Variants in QRICH1 observed in about 807,000 individuals in gnomAD.
QRICH1 encodes transcriptional regulator QRICH1.
In QRICH1, 16 loss-of-function variants were observed where a neutral mutation model predicts 87.1. That is an observed-to-expected ratio of 0.18 (90% confidence interval 0.12 to 0.28). The LOEUF (loss-of-function observed/expected upper bound fraction) is 0.28. QRICH1 is among the 10% of genes least tolerant of loss of function. The pLI is 1.00. For missense variants in QRICH1, 647 were observed against 951.7 expected (o/e 0.68, Z 4.21); for synonymous variants, 367 against 368.4 (o/e 1.00, Z 0.05).
intron 3 of QRICH1, among the ~76,000 whole-genome samples, chr3:49,050,445 A>C (rs1284044380): frequency 6.7e-6 from 1 of 149,154 alleles, no homozygotes; most frequent in Non-Finnish European, 1.5e-5. Flanking sequence ...AAAAAAAAAA[A>C]AGAATGTGCT....
rs1347338584 is a variant in QRICH1 at position 49,076,692 on chromosome 3, C to T, written c.309+17G>A. Reference sequence around the variant, plus strand: ...AAAGTACATTAAACAGGCTGCACCTCAGCATTTCCCATATACCTGAACCTG... The same window carrying T: ...AAAGTACATTAAACAGGCTGCACCTTAGCATTTCCCATATACCTGAACCTG... On this transcript the variant is annotated intron_variant, in intron 2 of 9. Coordinates refer to ENST00000395443, the MANE Select transcript of QRICH1 (RefSeq NM_198880.3). 6.6e-7 allele frequency: 1 copy of T among 1,521,018 alleles called. No individual in the cohort carries two copies. The highest frequency in any genetic ancestry group is 2.0e-5 in the Admixed American group (1 of 49,328). 94.2% of individuals were successfully genotyped at this position (1,521,018 alleles called of 1,614,324 possible). A position where few individuals can be genotyped will look rare whatever the true frequency, so the allele number is the denominator to read the frequency against.
chr3:49,049,650 A>T (rs1196939145), intron 3 of QRICH1, among the ~76,000 whole-genome samples: 1 of 151,696 alleles, frequency 6.6e-6, no homozygotes. Flanking sequence ...GGTGTCTGCC[A>T]TCATGCCCGG....
At chr3:49,055,857 T>G (rs1274049398) in intron 3 of QRICH1, among the ~76,000 whole-genome samples, 1 of 152,122 alleles carries the variant, frequency 6.6e-6, no homozygotes, top group African/African-American at 2.4e-5. Context: ...TTTTGTATTT[T>G]TAGTAGAGAC....
chr3:49,051,624 T>C (rs2093371509), intron 3 of QRICH1, among the ~76,000 whole-genome samples: 1 of 116,254 alleles, frequency 8.6e-6, no homozygotes, highest in Non-Finnish European at 1.6e-5. Flanking sequence ...GTGGGTACTA[T>C]ACATCTCCAA....
intron 6 of QRICH1, among the ~76,000 whole-genome samples, chr3:49,035,926 A>G (rs1209653068): frequency 1.3e-5 from 2 of 151,808 alleles, no homozygotes; most frequent in Non-Finnish European, 2.9e-5. Flanking sequence ...AAAAAAAAAA[A>G]AACAAAAACT....
intron 2 of QRICH1, among the ~76,000 whole-genome samples, chr3:49,066,566 G>A (rs2093469570): frequency 6.6e-6 from 1 of 151,002 alleles, no homozygotes; most frequent in Admixed American, 6.6e-5. Flanking sequence ...CCGGGTTCAA[G>A]CAATTCTCCT....
chr3:49,032,423 G>C (rs1046971266), intron 8 of QRICH1, 150 bp from the exon 9 acceptor site: 32 of 844,312 alleles, frequency 3.8e-5, no homozygotes, highest in Non-Finnish European at 5.9e-5. Context: ...TGACTACTAA[G>C]GGAAGAGGCA....
chr3:49,033,620 TG>T (rs2093255874), intron 6 of QRICH1: 1 of 154,812 alleles, frequency 6.5e-6, no homozygotes, highest in African/African-American at 2.4e-5. Flanking sequence ...TTTTCAAAGG[TG>T]GTCCAGGACC....
chr3:49,030,672 T>G (rs1559920440), intron 9 of QRICH1, 28 bp from the exon 10 acceptor site: 1 of 1,506,876 alleles, frequency 6.6e-7, no homozygotes, highest in Admixed American at 2.1e-5. Context: ...AAAAGTTGGG[T>G]ACCACCAATA....
chr3:49,047,055 T>A lies in QRICH1; in HGVS notation c.1516+14A>T. The A allele has an allele frequency of 6.2e-7, 1 of 1,603,966 alleles. No individual in the cohort carries two copies. The highest frequency in any genetic ancestry group is 8.5e-7 in the Non-Finnish European group (1 of 1,173,028). On this transcript the variant is annotated intron_variant, in intron 4 of 9. Coordinates refer to ENST00000395443, the MANE Select transcript of QRICH1 (RefSeq NM_198880.3). The stretch of plus-strand genomic sequence containing the variant: ...CATTTTAGACACAGCCCACTCTTCT[T>A]CCAAGACACTCACTCCCAATGGGTG...
At chr3:49,043,553 C>T (rs960975441) in intron 6 of QRICH1, among the ~76,000 whole-genome samples, 3 of 141,976 alleles carry the variant, frequency 2.1e-5, no homozygotes, top group African/African-American at 5.3e-5. Flanking sequence ...AGGCCAGGCA[C>T]GGTGGTGGCT....
At chr3:49,063,129 G>A (rs1016561006) in intron 2 of QRICH1, among the ~76,000 whole-genome samples, 3 of 152,154 alleles carry the variant, frequency 2.0e-5, no homozygotes, top group African/African-American at 7.2e-5. Context: ...AGTATAAAAG[G>A]GGAGAATGTC....
chr3:49,056,610 T>G (rs1287185992), intron 3 of QRICH1: 1 of 650,468 alleles, frequency 1.5e-6, no homozygotes, highest in East Asian at 2.8e-5. Flanking sequence ...TCCATGGTAC[T>G]TAAACCCAAA....
chr3:49,047,479 GTTTTT>G (rs397724825), intron 3 of QRICH1, among the ~76,000 whole-genome samples: 2 of 109,086 alleles, frequency 1.8e-5, no homozygotes, highest in Non-Finnish European at 1.9e-5. Flanking sequence ...ACTTTTAAAT[GTTTTT>G]TTTTTTTTTT....
chr3:49,030,364 GAAAAAAAA>G lies in QRICH1; in HGVS notation c.*80_*87del. 1.1e-6 allele frequency: 1 copy of G among 924,722 alleles called. No individual in the cohort carries two copies. The highest frequency in any genetic ancestry group is 1.8e-5 in the African/African-American group (1 of 56,706). 57.3% of individuals were successfully genotyped at this position (924,722 alleles called of 1,614,324 possible). A position where few individuals can be genotyped will look rare whatever the true frequency, so the allele number is the denominator to read the frequency against. On this transcript the variant is annotated 3_prime_UTR_variant, in exon 10 of 10. Transcript: ENST00000395443. ...TTCGTAACTACACCAATAAAAAAAA[GAAAAAAAA>G]AAATGGAGGCCTCTTCTTTAGTGTG...
At chr3:49,074,471 C>G (rs545007726) in intron 2 of QRICH1, among the ~76,000 whole-genome samples, 2 of 151,830 alleles carry the variant, frequency 1.3e-5, no homozygotes, top group African/African-American at 4.8e-5. Context: ...ACTCGGGAGG[C>G]TGAGGCAGGA....
chr3:49,063,851 G>C (rs1199467409), intron 2 of QRICH1, among the ~76,000 whole-genome samples: 1 of 152,038 alleles, frequency 6.6e-6, no homozygotes, highest in Non-Finnish European at 1.5e-5. Context: ...TGTTTACATA[G>C]GTTATATCTA....
chr3:49,061,892 AAGTTGCTCCATATCATACT>A (rs2093437230), intron 2 of QRICH1, among the ~76,000 whole-genome samples: 1 of 152,160 alleles, frequency 6.6e-6, no homozygotes, highest in Non-Finnish European at 1.5e-5. Flanking sequence ...ACCACATAAA[AAGTTGCTCCATATCATACT>A]AGCTGTGAAG....
intron 6 of QRICH1, among the ~76,000 whole-genome samples, chr3:49,035,815 G>A (rs1169266497): frequency 3.3e-5 from 5 of 151,092 alleles, no homozygotes; most frequent in African/African-American, 9.7e-5. Flanking sequence ...GGGCATGGTG[G>A]CTCATGGGTG....
Sources: allele counts gnomAD v4.1 joint callset (sites outside exome capture counted in the v4.1 genomes callset), GRCh38; gene constraint gnomAD v4.1.1; transcripts MANE v1.5; gene names NCBI Gene and HGNC (gene_info 2026-07-23, HGNC 2026-07-21).